Variants in DAAM1 observed in about 807,000 individuals in gnomAD.
The protein encoded by DAAM1 is dishevelled associated activator of morphogenesis 1.
DAAM1 carries 52 observed loss-of-function variants against 130.0 expected under a neutral mutation model. The ratio of observed to expected loss-of-function variants is 0.40; its 90% confidence interval spans 0.32 to 0.50. The LOEUF (loss-of-function observed/expected upper bound fraction) is 0.50, where lower values mean the gene tolerates loss of function less well. DAAM1 is among the 20% of genes least tolerant of loss of function. The pLI is 0.61. For missense variants in DAAM1, 1,134 were observed against 1,303.8 expected, an observed-to-expected ratio of 0.87 and a Z score of 2.01; for synonymous variants, 452 against 444.5, an observed-to-expected ratio of 1.02 and a Z score of -0.21.
chr14:59,232,904 G>T (rs1322775721), intron 1 of DAAM1, among the ~76,000 whole-genome samples: 1 of 152,026 alleles, frequency 6.6e-6, no homozygotes, highest in African/African-American at 2.4e-5. Context: ...TTGGTTTTCT[G>T]TTCCTGTGTT....
At chr14:59,282,361 A>G (rs376141104) in intron 2 of DAAM1, among the ~76,000 whole-genome samples, 5 of 152,294 alleles carry the variant, frequency 3.3e-5, no homozygotes, top group South Asian at 2.1e-4. Context: ...TAGATATTCA[A>G]CAACATTTTT....
intron 12 of DAAM1, 123 bp from the exon 13 acceptor site, chr14:59,330,378 T>A: frequency 1.1e-6 from 1 of 888,646 alleles, no homozygotes; most frequent in Non-Finnish European, 1.7e-6. Context: ...AGAAGAGGAA[T>A]AATATTTACC....
At position 59,331,489 on chromosome 14, in the gene DAAM1, A is replaced by C; in HGVS notation, c.1841A>C (p.Asn614Thr). 1 of 1,599,182 alleles carries C rather than the reference A, an allele frequency of 6.3e-7. No homozygotes were observed. Among genetic ancestry groups the C allele is most frequent in the Middle Eastern group, 1.7e-4 (1 of 5,864 alleles). Residue 614 changes from asparagine to threonine, a missense_variant, in exon 14 of 25, where the codon AAC becomes ACC. Asn to Thr is a moderately conservative substitution (Grantham distance 65). Coordinates refer to ENST00000360909, the MANE Select transcript of DAAM1 (RefSeq NM_001270520.2). ...CCCACAAATGCCCTGAAATCCTTCA[A>C]CTGGTCTAAACTGCCCGAGGTGAGC... ...PQPTNALKSFNWSKLPENKLE... is the reference protein window; with the variant it reads ...PQPTNALKSFTWSKLPENKLE...
At chr14:59,335,434 G>A (rs914490643) in intron 15 of DAAM1, among the ~76,000 whole-genome samples, 1 of 152,242 alleles carries the variant, frequency 6.6e-6, no homozygotes, top group Admixed American at 6.5e-5. Flanking sequence ...ACAAAAGACT[G>A]ATTTAAATGG....
intron 15 of DAAM1, among the ~76,000 whole-genome samples, chr14:59,335,691 C>G (rs1161799931): frequency 2.0e-5 from 3 of 151,996 alleles, no homozygotes; most frequent in African/African-American, 7.2e-5. Flanking sequence ...CCTTAAGGAT[C>G]CTATTGTCAT....
intron 1 of DAAM1, among the ~76,000 whole-genome samples, chr14:59,246,933 C>G (rs1001839864): frequency 1.3e-5 from 2 of 151,988 alleles, no homozygotes; most frequent in Non-Finnish European, 2.9e-5. Flanking sequence ...TGTAGGGGTT[C>G]TGGATATTAA....
intron 5 of DAAM1, among the ~76,000 whole-genome samples, chr14:59,322,598 C>T (rs534111656): frequency 2.0e-5 from 3 of 152,078 alleles, no homozygotes; most frequent in African/African-American, 4.8e-5. Flanking sequence ...ATATGTATTC[C>T]GAGTATTCTC....
intron 1 of DAAM1, among the ~76,000 whole-genome samples, chr14:59,219,190 T>G (rs968313006): frequency 1.3e-5 from 2 of 152,226 alleles, no homozygotes; most frequent in African/African-American, 4.8e-5. Flanking sequence ...TCCCCAAACT[T>G]AAGCCTGTTC....
chr14:59,327,477 G>C (rs116401903), intron 12 of DAAM1, among the ~76,000 whole-genome samples: 3 of 132,618 alleles, frequency 2.3e-5, no homozygotes, highest in African/African-American at 8.8e-5. Context: ...GCGCCATCTC[G>C]GCTCACTGCA....
At position 59,320,486 on chromosome 14, in the gene DAAM1, AT is replaced by A. The variant is rs776398780; in HGVS notation, c.346-3del. 6.3e-7 allele frequency: 1 copy of A among 1,595,268 alleles called. No homozygotes were observed. The highest frequency in any genetic ancestry group is 2.3e-5 in the East Asian group (1 of 44,426). ...AAGAAGTAACTTCTGTTTTCTTTGCATAGAGAAAATCTCTGCTGGCTTTAGA... is the reference window on the plus strand; with the variant it reads ...AAGAAGTAACTTCTGTTTTCTTTGCAAGAGAAAATCTCTGCTGGCTTTAGA... On this transcript the variant is annotated splice_region_variant and splice_polypyrimidine_tract_variant and intron_variant, in intron 4 of 24. Transcript: ENST00000360909.
In DAAM1 at chr14:59,370,929, G is replaced by GGA. The variant is rs992850241; in HGVS notation, c.*2072_*2073dup. 7.9e-5 allele frequency: 12 copies of GGA among 152,198 alleles called. No individual in the cohort carries two copies. The highest frequency in any genetic ancestry group is 2.9e-4 in the African/African-American group (12 of 41,550). 9.4% of individuals were successfully genotyped at this position (152,198 alleles called of 1,614,324 possible). ...CTTACAGTTTAAGGAATAGACAGGTGGAGGGAAAGTCACATAAAGGAGCAA... is the reference window on the plus strand; with the variant it reads ...CTTACAGTTTAAGGAATAGACAGGTGGAGAGGGAAAGTCACATAAAGGAGCAA... On this transcript the variant is annotated 3_prime_UTR_variant, in exon 25 of 25. Coordinates refer to ENST00000360909, the MANE Select transcript of DAAM1 (RefSeq NM_001270520.2).
intron 15 of DAAM1, among the ~76,000 whole-genome samples, chr14:59,334,006 ACACTAAGTAGAC>A (rs1267561752): frequency 1.3e-5 from 2 of 152,238 alleles, no homozygotes; most frequent in Admixed American, 6.5e-5. Flanking sequence ...GTTATACTTA[ACACTAAGTAGAC>A]CAGTAAGTAG....
chr14:59,217,846 G>A (rs1186896442), intron 1 of DAAM1, among the ~76,000 whole-genome samples: 2 of 152,076 alleles, frequency 1.3e-5, no homozygotes, highest in African/African-American at 4.8e-5. Context: ...AATTAGCCGG[G>A]CGTGGTGGTG....
At chr14:59,231,177 T>C (rs965665824) in intron 1 of DAAM1, among the ~76,000 whole-genome samples, 8 of 152,206 alleles carry the variant, frequency 5.3e-5, no homozygotes, top group African/African-American at 1.9e-4. Flanking sequence ...ATTTTCCCAC[T>C]TAATATTTTT....
At chr14:59,343,901 A>G (rs1885952111) in intron 16 of DAAM1, among the ~76,000 whole-genome samples, 1 of 152,220 alleles carries the variant, frequency 6.6e-6, no homozygotes, top group South Asian at 2.1e-4. Flanking sequence ...CTTTCATGGG[A>G]AGAGAGTAGA....
At chr14:59,339,030 G>A (rs1296979558) in intron 15 of DAAM1, among the ~76,000 whole-genome samples, 1 of 152,154 alleles carries the variant, frequency 6.6e-6, no homozygotes, top group Non-Finnish European at 1.5e-5. Flanking sequence ...GTAGTTTGTA[G>A]AACTGATAAT....
intron 2 of DAAM1, among the ~76,000 whole-genome samples, chr14:59,281,056 T>C (rs1168125828): frequency 2.0e-5 from 3 of 152,142 alleles, no homozygotes; most frequent in African/African-American, 7.2e-5. Flanking sequence ...TCTTACTGTC[T>C]GTCCCAAGAC....
At chr14:59,269,674 A>T (rs117541606) in intron 2 of DAAM1, among the ~76,000 whole-genome samples, 1 of 152,164 alleles carries the variant, frequency 6.6e-6, no homozygotes, top group African/African-American at 2.4e-5. Context: ...TACCCCCATG[A>T]TTGCCTAACC....
chr14:59,263,819 C>G, intron 2 of DAAM1, 159 bp downstream of exon 2: 2 of 874,020 alleles, frequency 2.3e-6, no homozygotes, highest in Non-Finnish European at 1.8e-6. Context: ...AGCACTAAAC[C>G]TGTGGAGAAG....
Sources: allele counts gnomAD v4.1 joint callset (sites outside exome capture counted in the v4.1 genomes callset), GRCh38; gene constraint gnomAD v4.1.1; transcripts MANE v1.5; gene names NCBI Gene and HGNC (gene_info 2026-07-23, HGNC 2026-07-21).